HPCAL1: variants seen among roughly 807,000 people sequenced by gnomAD.
HPCAL1 encodes the protein hippocalcin-like protein 1.
HPCAL1 carries 8 observed loss-of-function variants against 17.1 expected under a neutral mutation model. That is an observed-to-expected ratio of 0.47 (90% CI 0.27 to 0.84). The LOEUF (loss-of-function observed/expected upper bound fraction) is 0.84, where lower values mean the gene tolerates loss of function less well. Among genes scored for constraint, HPCAL1 ranks in the 40% least tolerant of loss-of-function variants. HPCAL1 has a pLI of 0.13. For synonymous variants in HPCAL1, 112 were observed against 111.4 expected (o/e 1.01, Z -0.03); for missense variants, 165 against 271.1 (o/e 0.61, Z 2.75).
chr2:10,371,209 C>G (rs1324366113), intron 1 of HPCAL1, among the ~76,000 whole-genome samples: 1 of 152,132 alleles, frequency 6.6e-6, no homozygotes, highest in Non-Finnish European at 1.5e-5. Context: ...GTTAGTGGGT[C>G]TGGCTGGCCA....
At chr2:10,404,034 G>A (rs1669812038) in intron 2 of HPCAL1, among the ~76,000 whole-genome samples, 1 of 151,924 alleles carries the variant, frequency 6.6e-6, no homozygotes, top group South Asian at 2.1e-4. Flanking sequence ...GTTCTTTATT[G>A]CTCTATACAC....
Position 10,427,029 on chromosome 2 carries a change from T to A in HPCAL1, c.*208T>A. ...TCCCCTCACGCCTGGCCCGGTCCCT[T>A]CCAGGGCAACTCCCAGGGATGTGGT... On this transcript the variant is annotated 3_prime_UTR_variant, in exon 5 of 5. Coordinates refer to ENST00000307845, the MANE Select transcript of HPCAL1 (RefSeq NM_002149.4). 1 of 572,090 alleles carries A rather than the reference T, an allele frequency of 1.7e-6. No individual in the cohort carries two copies. 35.4% of individuals were successfully genotyped at this position (572,090 alleles called of 1,614,324 possible). A position where few individuals can be genotyped will look rare whatever the true frequency, so the allele number is the denominator to read the frequency against.
intron 1 of HPCAL1, among the ~76,000 whole-genome samples, chr2:10,305,425 A>C (rs1179648082): frequency 1.3e-5 from 2 of 152,130 alleles, no homozygotes; most frequent in Non-Finnish European, 2.9e-5. Flanking sequence ...GTTTTATTGG[A>C]TAATGTGGCA....
intron 2 of HPCAL1, among the ~76,000 whole-genome samples, chr2:10,412,730 C>T (rs1015953631): frequency 6.6e-6 from 1 of 152,210 alleles, no homozygotes; most frequent in African/African-American, 2.4e-5. Context: ...TCCCACACCT[C>T]CTGAGGCTCT....
At chr2:10,368,835 G>A (rs1667028254) in intron 1 of HPCAL1, 1 of 152,196 alleles carries the variant, frequency 6.6e-6, no homozygotes, top group Admixed American at 6.5e-5. Context: ...TTCAGGAATT[G>A]AATTACCGAC....
At chr2:10,334,695 C>CTTTTTTTTTTTTTTTTT (rs553228833) in intron 1 of HPCAL1, among the ~76,000 whole-genome samples, 23 of 146,314 alleles carry the variant, frequency 1.6e-4, no homozygotes, top group Non-Finnish European at 2.6e-4. Context: ...ATTCCATTGA[C>CTTTTTTTTTTTTTTTTT]TTTTTTTTGA....
rs1666409443 is a variant in HPCAL1 at position 10,359,807 on chromosome 2, G to A, written c.-110-37028G>A. Among the ~76,000 whole-genome samples the A allele has an allele frequency of 6.6e-6, 1 of 152,124 alleles. No individual in the cohort carries two copies. The highest frequency in any genetic ancestry group is 2.4e-5 in the African/African-American group (1 of 41,380). On this transcript the variant is annotated intron_variant, in intron 1 of 4. Coordinates refer to ENST00000307845, the MANE Select transcript of HPCAL1 (RefSeq NM_002149.4). This position sits in a 1 kb window ranked among gnomAD's most constrained non-coding sequence, Gnocchi z 4.1. ...GCGGTGGCGGTTTTATTGATGTATT[G>A]TGAAGGCACAGGGAGGGCCCTTTCC...
chr2:10,424,599 G>C, intron 4 of HPCAL1: 1 of 471,076 alleles, frequency 2.1e-6, no homozygotes, highest in Non-Finnish European at 4.4e-6. Context: ...CACCTCTTCA[G>C]AGGGCATCTT....
At position 10,415,270 on chromosome 2, in the gene HPCAL1, G is replaced by T. The variant is rs568825544; in HGVS notation, c.-24-4464G>T. Among the ~76,000 whole-genome samples the T allele has an allele frequency of 3.3e-5, 5 of 152,280 alleles. No homozygotes were observed. The South Asian group carries it at 1.0e-3, about 32-fold the overall frequency. Reference sequence around the variant, plus strand: ...TGGGAGCCTCAGGCAACCTGCTGCAGCTGCTTGTTTTGCCACTCACTGGCC... The same window carrying T: ...TGGGAGCCTCAGGCAACCTGCTGCATCTGCTTGTTTTGCCACTCACTGGCC... On this transcript the variant is annotated intron_variant, in intron 2 of 4. Transcript: ENST00000307845.
At chr2:10,366,061 C>T (rs566006094) in intron 1 of HPCAL1, among the ~76,000 whole-genome samples, 9 of 152,284 alleles carry the variant, frequency 5.9e-5, no homozygotes, top group African/African-American at 1.7e-4. Context: ...AATATTTATT[C>T]GTGGTTGCCG....
chr2:10,349,584 T>C (rs1394216283), intron 1 of HPCAL1, among the ~76,000 whole-genome samples: 2 of 150,750 alleles, frequency 1.3e-5, no homozygotes, highest in Non-Finnish European at 3.0e-5. Context: ...GCACCTGTAG[T>C]CCCAGCTACT....
intron 1 of HPCAL1, among the ~76,000 whole-genome samples, chr2:10,374,648 T>C (rs771328957): frequency 6.6e-6 from 1 of 152,226 alleles, no homozygotes; most frequent in Non-Finnish European, 1.5e-5. Flanking sequence ...TTAATTCAAC[T>C]ATAGCATGTG....
intron 1 of HPCAL1, among the ~76,000 whole-genome samples, chr2:10,306,083 A>G (rs897567116): frequency 6.6e-6 from 1 of 152,226 alleles, no homozygotes; most frequent in African/African-American, 2.4e-5. Context: ...ACACTCACTC[A>G]TGAACCAGTG....
At chr2:10,385,349 A>G (rs974054067) in intron 1 of HPCAL1, among the ~76,000 whole-genome samples, 1 of 99,296 alleles carries the variant, frequency 1.0e-5, no homozygotes, top group Non-Finnish European at 2.0e-5. Context: ...GCTCCCGGTC[A>G]CTTGTCGGGA....
At chr2:10,347,118 G>A (rs530272371) in intron 1 of HPCAL1, among the ~76,000 whole-genome samples, 4 of 152,082 alleles carry the variant, frequency 2.6e-5, no homozygotes, top group Admixed American at 2.0e-4. Flanking sequence ...CCCGCCCCCC[G>A]CAGGTGCTGG....
At chr2:10,418,026 A>T (rs567685007) in intron 2 of HPCAL1, among the ~76,000 whole-genome samples, 36 of 152,198 alleles carry the variant, frequency 2.4e-4, no homozygotes, top group African/African-American at 7.2e-4. Context: ...ACAGAGTGAG[A>T]GCCTGTCTCA....
intron 1 of HPCAL1, among the ~76,000 whole-genome samples, chr2:10,341,116 C>G (rs1193264259): frequency 6.6e-6 from 1 of 152,034 alleles, no homozygotes; most frequent in Non-Finnish European, 1.5e-5. Flanking sequence ...CGCGATTTTT[C>G]TTAAAGCCTA....
intron 2 of HPCAL1, among the ~76,000 whole-genome samples, chr2:10,414,145 G>A (rs1221218588): frequency 1.3e-5 from 2 of 152,246 alleles, no homozygotes; most frequent in African/African-American, 4.8e-5. Context: ...CTGACAAAAT[G>A]GGCCCCACAG....
intron 1 of HPCAL1, among the ~76,000 whole-genome samples, chr2:10,374,344 C>G (rs1415702237): frequency 6.7e-6 from 1 of 150,068 alleles, no homozygotes; most frequent in Non-Finnish European, 1.5e-5. Flanking sequence ...CCTTCTCACA[C>G]AGTCACACAC....
Sources: gnomAD v4.1 joint callset for allele counts (sites outside exome capture counted in the v4.1 genomes callset) on GRCh38, gnomAD v4.1.1 for gene constraint, Gnocchi (gnomAD v3.1) non-coding constraint, MANE v1.5 for transcripts, NCBI Gene and HGNC (gene_info 2026-07-23, HGNC 2026-07-21) for gene names.